KIF13A: variants seen among roughly 807,000 people sequenced by gnomAD.
KIF13A encodes the protein kinesin family member 13A.
A neutral mutation model predicts 212.2 loss-of-function variants in KIF13A; 79 were observed. The observed-to-expected ratio is 0.37, with a 90% confidence interval of 0.31 to 0.45. The LOEUF (loss-of-function observed/expected upper bound fraction) is 0.45. Among genes scored for constraint, KIF13A ranks in the 20% least tolerant of loss-of-function variants. The probability of loss-of-function intolerance (pLI) is 1.00; values close to 1 mark genes in which losing one functional copy is unlikely to be tolerated. For missense variants in KIF13A, 1,901 were observed against 2,209.0 expected (o/e 0.86, Z 2.79); for synonymous variants, 789 against 808.6 (o/e 0.98, Z 0.41).
rs1766152182 is a variant in KIF13A, at chr6:17,838,149, C to G, written c.831-566G>C. On this transcript the variant is annotated intron_variant, in intron 9 of 38. Transcript: ENST00000259711. This position sits in a 1 kb window ranked among gnomAD's most constrained non-coding sequence, Gnocchi z 4.2. ...CCATCCTGGCCAACATGGTGAAACC[C>G]CATCTCTACTAAAAATACAAAAATT... 6.6e-6 allele frequency among the ~76,000 whole-genome samples: 1 copy of G among 151,618 alleles called. No individual in the cohort carries two copies. The highest frequency in any genetic ancestry group is 2.4e-5 in the African/African-American group (1 of 41,280).
At chr6:17,791,822 C>A (rs1265085051) in intron 25 of KIF13A, among the ~76,000 whole-genome samples, 1 of 149,190 alleles carries the variant, frequency 6.7e-6, no homozygotes, top group African/African-American at 2.5e-5. Context: ...ATCACTTGAA[C>A]CAGGGAGATG....
At chr6:17,788,690 C>T (rs1256613930) in intron 26 of KIF13A, among the ~76,000 whole-genome samples, 1 of 152,104 alleles carries the variant, frequency 6.6e-6, no homozygotes, top group Non-Finnish European at 1.5e-5. Flanking sequence ...AAGAATAGAG[C>T]CCTTGGACCT....
chr6:17,976,451 G>C (rs904004218), intron 2 of KIF13A, among the ~76,000 whole-genome samples: 7 of 152,212 alleles, frequency 4.6e-5, no homozygotes, highest in Non-Finnish European at 8.8e-5. Flanking sequence ...TTCATTGCCC[G>C]GGGCCGGCAA....
chr6:17,864,954 G>A (rs1769209862), intron 4 of KIF13A, among the ~76,000 whole-genome samples: 2 of 152,170 alleles, frequency 1.3e-5, no homozygotes, highest in Admixed American at 1.3e-4. Flanking sequence ...ACCAGGGATG[G>A]AAGGAAAAAT....
chr6:17,814,533 C>T (rs1263266267), intron 17 of KIF13A, among the ~76,000 whole-genome samples: 4 of 151,206 alleles, frequency 2.6e-5, no homozygotes, highest in African/African-American at 7.3e-5. Context: ...AGGCGTGAGC[C>T]ACCGCGCCCA....
intron 4 of KIF13A, among the ~76,000 whole-genome samples, chr6:17,861,269 CATTTT>C (rs1472797871): frequency 2.6e-5 from 4 of 152,114 alleles, no homozygotes; most frequent in African/African-American, 9.7e-5. Flanking sequence ...GACTGGAATA[CATTTT>C]ATTACTATGG....
In KIF13A at chr6:17,899,487, G is replaced by C. The variant is rs1408346810; in HGVS notation, c.147-1307C>G. Among the ~76,000 whole-genome samples the C allele has an allele frequency of 6.6e-6, 1 of 152,174 alleles. No homozygotes were observed. The highest frequency in any genetic ancestry group is 1.5e-5 in the Non-Finnish European group (1 of 68,040). ...TGCGACACTCCTTACAGAGCTCTGA[G>C]GGACTCGAACAAAACTGAGAGCTCA... is the stretch of plus-strand genomic sequence containing the variant. On this transcript the variant is annotated intron_variant, in intron 2 of 38. Transcript: ENST00000259711. The surrounding 1 kb of genome is among the most constrained non-coding windows in gnomAD (Gnocchi z 5.2).
At chr6:17,831,952 A>C (rs1018622492) in intron 12 of KIF13A, among the ~76,000 whole-genome samples, 1 of 152,050 alleles carries the variant, frequency 6.6e-6, no homozygotes, top group Non-Finnish European at 1.5e-5. Flanking sequence ...TTCTGGTGGG[A>C]GGAGACAGGC....
chr6:17,973,444 C>T (rs968280615), intron 2 of KIF13A, among the ~76,000 whole-genome samples: 1 of 152,198 alleles, frequency 6.6e-6, no homozygotes, highest in African/African-American at 2.4e-5. Flanking sequence ...TCAGCTACTG[C>T]GTGCAAACCA....
At chr6:17,860,587 C>G (rs189551551) in intron 4 of KIF13A, among the ~76,000 whole-genome samples, 17 of 152,136 alleles carry the variant, frequency 1.1e-4, no homozygotes, top group Admixed American at 4.6e-4. Flanking sequence ...CATCTGTATT[C>G]ACTGAATTAT....
intron 2 of KIF13A, among the ~76,000 whole-genome samples, chr6:17,958,876 CTTTTTTTT>C (rs398000716): frequency 2.8e-4 from 23 of 83,090 alleles, no homozygotes; most frequent in East Asian, 1.2e-3. Flanking sequence ...TTTTCTTTTT[CTTTTTTTT>C]TTTTTTTTTT....
intron 2 of KIF13A, among the ~76,000 whole-genome samples, chr6:17,929,476 C>G (rs1373449500): frequency 6.6e-6 from 1 of 151,876 alleles, no homozygotes; most frequent in African/African-American, 2.4e-5. Flanking sequence ...TCTTGGCTCA[C>G]TGCAAGCTCT....
chr6:17,887,608 C>T (rs1012036443), intron 3 of KIF13A, among the ~76,000 whole-genome samples: 1 of 152,170 alleles, frequency 6.6e-6, no homozygotes, highest in Admixed American at 6.5e-5. Context: ...CACGATCTTC[C>T]TTTCATGTAC....
chr6:17,937,754 T>TTG (rs1554118969), intron 2 of KIF13A, among the ~76,000 whole-genome samples: 5 of 123,694 alleles, frequency 4.0e-5, no homozygotes, highest in African/African-American at 9.9e-5. Flanking sequence ...TTGTTTTTTT[T>TTG]TTTTTGTTTT....
rs370668004 is a variant in KIF13A at position 17,804,708 on chromosome 6, G to A, written c.2305-198C>T. On this transcript the variant is annotated intron_variant, in intron 19 of 38. Transcript: ENST00000259711. ...CACGCCTGTGGTCCCACCTACTCAG[G>A]AGGCTGGGGCACGAGAATCGCTTGA... 1.1e-3 allele frequency among the ~76,000 whole-genome samples: 167 copies of A among 150,218 alleles called. 1 individual carries two copies. The highest frequency in any genetic ancestry group is 3.8e-3 in the African/African-American group (157 of 40,940).
intron 2 of KIF13A, among the ~76,000 whole-genome samples, chr6:17,910,642 C>T (rs1037435773): frequency 1.3e-4 from 20 of 152,172 alleles, no homozygotes; most frequent in African/African-American, 4.3e-4. Flanking sequence ...AAAATGTTGT[C>T]TGCAATAAAG....
Position 17,915,731 on chromosome 6 carries a change from G to T in KIF13A, c.147-17551C>A, listed in dbSNP as rs1055861402. Among the ~76,000 whole-genome samples, 1 of 152,046 alleles carries T rather than the reference G, an allele frequency of 6.6e-6. No homozygotes were observed. Among genetic ancestry groups the T allele is most frequent in the African/African-American group, 2.4e-5 (1 of 41,378 alleles). On this transcript the variant is annotated intron_variant, in intron 2 of 38. Coordinates refer to ENST00000259711, the MANE Select transcript of KIF13A (RefSeq NM_022113.6). This position sits in a 1 kb window ranked among gnomAD's most constrained non-coding sequence, Gnocchi z 4.4. ...AATCGCAGCACTTTGGGAGGCTAAG[G>T]CAGGTGGATCACTTGAGTCCAGGAG...
At position 17,850,381 on chromosome 6, in the gene KIF13A, C is replaced by T. The variant is rs745949348; in HGVS notation, c.659G>A (p.Arg220His). 3 of 1,613,846 alleles carry T rather than the reference C, an allele frequency of 1.9e-6. No individual in the cohort carries two copies. Among genetic ancestry groups the T allele is most frequent in the Admixed American group, 1.7e-5 (1 of 60,002 alleles). ...TATGATGTTGAACACAGCATGGGAG[C>T]GGCTGCTTTCTTCGTTCATGTTGGT... ...AATNMNEESS[R>H]SHAVFNIIIT... is the part of the protein sequence containing the mutation. The change falls in exon 8 of 39, where the codon CGC becomes CAC. Residue 220 changes from arginine to histidine, a missense_variant. Arg to His is a conservative substitution (Grantham distance 29). Transcript: ENST00000259711. This position sits in a 1 kb window ranked among gnomAD's most constrained non-coding sequence, Gnocchi z 6.2.
chr6:17,955,677 C>T (rs891733870), intron 2 of KIF13A, among the ~76,000 whole-genome samples: 1 of 152,160 alleles, frequency 6.6e-6, no homozygotes, highest in Non-Finnish European at 1.5e-5. Context: ...ATATTGAAGA[C>T]AAAGTCATGG....
Sources: allele counts gnomAD v4.1 joint callset (sites outside exome capture counted in the v4.1 genomes callset), GRCh38; gene constraint gnomAD v4.1.1; non-coding constraint Gnocchi (gnomAD v3.1); transcripts MANE v1.5; gene names NCBI Gene and HGNC (gene_info 2026-07-23, HGNC 2026-07-21).